The following SNRPN variants were observed in gnomAD, a reference collection of about 807,000 sequenced individuals.
SNRPN encodes the protein small nuclear ribonucleoprotein polypeptide N.
Under a neutral mutation model 25.2 loss-of-function variants are expected in SNRPN, and 7 were observed. The ratio of observed to expected loss-of-function variants is 0.28; its 90% confidence interval spans 0.16 to 0.52. SNRPN has a LOEUF of 0.52. SNRPN is among the 20% of genes least tolerant of loss of function. SNRPN has a pLI of 0.96. For synonymous variants in SNRPN, 124 were observed against 110.6 expected (o/e 1.12, Z -0.76); for missense variants, 196 against 322.5 (o/e 0.61, Z 3.00).
intron 2 of SNRPN, among the ~76,000 whole-genome samples, chr15:24,907,968 A>T (rs1261014034): frequency 6.8e-6 from 1 of 146,748 alleles, no homozygotes; most frequent in East Asian, 2.1e-4. Flanking sequence ...CAGGAGAATC[A>T]CTTGAACCCG....
intron 3 of SNRPN, among the ~76,000 whole-genome samples, chr15:24,936,908 T>C (rs1241118622): frequency 6.6e-6 from 1 of 152,184 alleles, no homozygotes; most frequent in Non-Finnish European, 1.5e-5. Context: ...CAATGGAATT[T>C]ACTGCTGATG....
chr15:24,890,739 CT>C (rs1382157049), intron 2 of SNRPN, among the ~76,000 whole-genome samples: 1 of 152,046 alleles, frequency 6.6e-6, no homozygotes, highest in Non-Finnish European at 1.5e-5. Flanking sequence ...GCCTTTGCAT[CT>C]TGATTTCTGA....
intron 8 of SNRPN, 104 bp from the exon 9 acceptor site, chr15:24,978,089 C>G: frequency 2.3e-6 from 3 of 1,294,942 alleles, no homozygotes; most frequent in Non-Finnish European, 3.3e-6. Flanking sequence ...TTATTTGACT[C>G]TATCATTGTT....
chr15:24,869,959 G>T (rs549314593), intron 1 of SNRPN, among the ~76,000 whole-genome samples: 2 of 152,206 alleles, frequency 1.3e-5, no homozygotes, highest in South Asian at 4.2e-4. Flanking sequence ...AATATGATAT[G>T]AAATTAGATA....
At position 24,908,855 on chromosome 15, in the gene SNRPN, T is replaced by A. The variant is rs532958271; in HGVS notation, c.-504-11156T>A. The A allele has an allele frequency of 6.5e-6, 4 of 611,886 alleles. No individual in the cohort carries two copies. In the African/African-American group the frequency reaches 7.5e-5, roughly 11 times the overall value. 37.9% of individuals were successfully genotyped at this position (611,886 alleles called of 1,614,324 possible). ...TCTTGGAAAGCTTTTTAATCTTTTTTTCTTTTTCTTTTTTTTTGCTGTCCA... is the reference window on the plus strand; with the variant it reads ...TCTTGGAAAGCTTTTTAATCTTTTTATCTTTTTCTTTTTTTTTGCTGTCCA... On this transcript the variant is annotated intron_variant, in intron 2 of 11. Coordinates refer to the SNRPN transcript ENST00000400097.
At chr15:24,896,507 G>A (rs932631895) in intron 2 of SNRPN, among the ~76,000 whole-genome samples, 15 of 151,546 alleles carry the variant, frequency 9.9e-5, no homozygotes, top group South Asian at 4.2e-4. Context: ...TCAGGAGATC[G>A]AGACCCCCCC....
intron 2 of SNRPN, 51 bp downstream of exon 2, chr15:24,962,260 A>T: frequency 1.4e-6 from 2 of 1,447,874 alleles, no homozygotes; most frequent in Non-Finnish European, 1.9e-6. Flanking sequence ...CTCCTTTCAG[A>T]TTAGAACAAA....
intron 1 of SNRPN, among the ~76,000 whole-genome samples, chr15:24,824,430 A>C (rs752350889): frequency 1.3e-5 from 2 of 152,226 alleles, no homozygotes. Flanking sequence ...TGGTTTTGTA[A>C]ATGGCTGCTT....
intron 3 of SNRPN, among the ~76,000 whole-genome samples, chr15:24,941,704 A>G (rs989159731): frequency 4.6e-5 from 7 of 152,206 alleles, no homozygotes; most frequent in East Asian, 1.9e-4. Context: ...CAGCACAACA[A>G]TTCCCTTCTT....
At chr15:24,889,076 C>T (rs1340913145) in intron 2 of SNRPN, among the ~76,000 whole-genome samples, 1 of 151,802 alleles carries the variant, frequency 6.6e-6, no homozygotes, top group Non-Finnish European at 1.5e-5. Context: ...CGCCACCACA[C>T]CTGGCTAATT....
intron 2 of SNRPN, among the ~76,000 whole-genome samples, chr15:24,895,959 G>A (rs1363408995): frequency 6.6e-6 from 1 of 152,170 alleles, no homozygotes; most frequent in Non-Finnish European, 1.5e-5. Context: ...TATTAAAGGT[G>A]TTATTCCCAT....
chr15:24,962,437 T>A (rs1258719599), intron 2 of SNRPN, among the ~76,000 whole-genome samples: 2 of 152,226 alleles, frequency 1.3e-5, no homozygotes, highest in African/African-American at 2.4e-5. Flanking sequence ...CGTGGGTAAG[T>A]GCATTTTATC....
At chr15:24,880,479 A>G (rs2056472313) in intron 1 of SNRPN, among the ~76,000 whole-genome samples, 1 of 152,196 alleles carries the variant, frequency 6.6e-6, no homozygotes, top group South Asian at 2.1e-4. Context: ...CCAATTTAGT[A>G]GTACTTCACA....
intron 2 of SNRPN, among the ~76,000 whole-genome samples, chr15:24,903,781 C>T (rs2058615444): frequency 6.6e-6 from 1 of 152,136 alleles, no homozygotes; most frequent in South Asian, 2.1e-4. Context: ...CACTTGTAAT[C>T]CCATCACTTT....
intron 1 of SNRPN, among the ~76,000 whole-genome samples, chr15:24,827,734 G>C (rs1034440011): frequency 1.3e-5 from 2 of 151,316 alleles, no homozygotes; most frequent in Admixed American, 1.3e-4. Flanking sequence ...GGGCATTGTG[G>C]CACATGCCTG....
intron 2 of SNRPN, among the ~76,000 whole-genome samples, chr15:24,890,962 G>A (rs1566877751): frequency 6.6e-6 from 1 of 152,084 alleles, no homozygotes. Flanking sequence ...CCAGGCTGCA[G>A]TGCAGTGTCA....
intron 2 of SNRPN, among the ~76,000 whole-genome samples, chr15:24,840,755 T>C (rs11632144): frequency 6.6e-6 from 1 of 152,236 alleles, no homozygotes; most frequent in Admixed American, 6.5e-5. Flanking sequence ...GATACTGTTT[T>C]GGCTTCTTGC....
At chr15:24,910,437 C>T (rs192083106) in intron 2 of SNRPN, among the ~76,000 whole-genome samples, 2 of 152,130 alleles carry the variant, frequency 1.3e-5, no homozygotes, top group East Asian at 1.9e-4. Context: ...GAGCTATGAT[C>T]GTACCACAGT....
Position 24,834,751 on chromosome 15 carries a change from C to CTCTCTCTCTCTCTCTCTCTATA in SNRPN, c.-579+4847_-579+4848insCTCTCTCTCTCTCTCTCTATAT. Among the ~76,000 whole-genome samples the CTCTCTCTCTCTCTCTCTCTATA allele has an allele frequency of 3.0e-3, 180 of 60,928 alleles. 1 individual carries two copies. Among genetic ancestry groups the CTCTCTCTCTCTCTCTCTCTATA allele is most frequent in the Non-Finnish European group, 4.0e-3 (122 of 30,222 alleles). The allele number at this position is 60,928 out of a possible 152,430, so 40.0% of individuals were successfully genotyped here. Reference sequence around the variant, plus strand: ...TCCCTCTCTCTCTCTCTCTCTCTCTCTATATATATATATATATATATATAT... The same window carrying CTCTCTCTCTCTCTCTCTCTATA: ...TCCCTCTCTCTCTCTCTCTCTCTCTCTCTCTCTCTCTCTCTCTCTATATATATATATATATATATATATATAT... On this transcript the variant is annotated intron_variant, in intron 2 of 12. Transcript: ENST00000400100.
Sources: gnomAD v4.1 joint callset for allele counts (sites outside exome capture counted in the v4.1 genomes callset) on GRCh38, gnomAD v4.1.1 for gene constraint, MANE v1.5 for transcripts, NCBI Gene and HGNC (gene_info 2026-07-23, HGNC 2026-07-21) for gene names.